ATP13A4: variants seen among roughly 807,000 people sequenced by gnomAD.
ATP13A4 encodes the protein probable cation-transporting ATPase 13A4.
ATP13A4 carries 114 observed loss-of-function variants against 142.5 expected under a neutral mutation model. That is an observed-to-expected ratio of 0.80 (90% CI 0.69 to 0.93). ATP13A4 has a LOEUF of 0.93. ATP13A4 is among the 40% of genes least tolerant of loss of function. ATP13A4 has a pLI of 0.00. For synonymous variants in ATP13A4, 488 were observed against 514.8 expected (o/e 0.95, Z 0.70); for missense variants, 1,392 against 1,454.0 (o/e 0.96, Z 0.69).
chr3:193,453,978 G>T, intron 17 of ATP13A4, 123 bp downstream of exon 17: 1 of 788,526 alleles, frequency 1.3e-6, no homozygotes, highest in Non-Finnish European at 2.2e-6. Context: ...AATTCAGCAA[G>T]CTACATTGCT....
intron 14 of ATP13A4, among the ~76,000 whole-genome samples, chr3:193,458,012 C>G (rs1717736324): frequency 6.6e-6 from 1 of 152,226 alleles, no homozygotes; most frequent in Admixed American, 6.5e-5. Context: ...TTGTAATCAT[C>G]TCACTGAGTG....
chr3:193,450,129 A>G (rs148404169), intron 17 of ATP13A4, among the ~76,000 whole-genome samples: 244 of 151,524 alleles, frequency 1.6e-3, no homozygotes, highest in African/African-American at 5.6e-3. Flanking sequence ...AAAAAAAAAG[A>G]AAAGAAAAAG....
At chr3:193,457,595 A>C in intron 14 of ATP13A4, 130 bp from the exon 15 acceptor site, 2 of 824,376 alleles carry the variant, frequency 2.4e-6, no homozygotes, top group Admixed American at 4.0e-5. Context: ...CTTCCCTCAG[A>C]GGTGAACCAG....
chr3:193,473,542 A>G (rs1279552899), intron 8 of ATP13A4, among the ~76,000 whole-genome samples: 1 of 152,232 alleles, frequency 6.6e-6, no homozygotes, highest in Non-Finnish European at 1.5e-5. Flanking sequence ...ATCTCAAAGT[A>G]TCTCTCAACA....
chr3:193,450,299 G>A (rs1384974540), intron 17 of ATP13A4, among the ~76,000 whole-genome samples: 1 of 152,074 alleles, frequency 6.6e-6, no homozygotes, highest in Admixed American at 6.6e-5. Context: ...CCACTCATGC[G>A]GTGCCCAACA....
At chr3:193,570,246 GA>G (rs1186624922) in intron 2 of ATP13A4, among the ~76,000 whole-genome samples, 3 of 152,172 alleles carry the variant, frequency 2.0e-5, no homozygotes, top group Non-Finnish European at 2.9e-5. Flanking sequence ...CCAGGAGGTC[GA>G]GGCTGCAGTG....
intron 9 of ATP13A4, among the ~76,000 whole-genome samples, chr3:193,467,992 G>A (rs902323161): frequency 9.2e-5 from 14 of 152,092 alleles, no homozygotes; most frequent in Non-Finnish European, 1.3e-4. Context: ...CAGCCTGACC[G>A]ACATGGAGAA....
At chr3:193,463,201 T>C (rs1718060716) in intron 12 of ATP13A4, among the ~76,000 whole-genome samples, 1 of 152,032 alleles carries the variant, frequency 6.6e-6, no homozygotes, top group East Asian at 1.9e-4. Context: ...AACTTTAGTG[T>C]CCTCCATAAC....
At chr3:193,477,427 A>C (rs774426974) in intron 8 of ATP13A4, among the ~76,000 whole-genome samples, 1 of 152,102 alleles carries the variant, frequency 6.6e-6, no homozygotes, top group Non-Finnish European at 1.5e-5. Context: ...CTACAGTTGT[A>C]TATGTTCAAA....
At chr3:193,554,474 CCT>C in intron 1 of ATP13A4, 1 of 533,422 alleles carries the variant, frequency 1.9e-6, no homozygotes, top group South Asian at 2.0e-5. Context: ...TGCTTCTCTC[CCT>C]CTCTGTTTTC....
intron 1 of ATP13A4, among the ~76,000 whole-genome samples, chr3:193,586,311 T>C (rs1724669678): frequency 6.6e-6 from 1 of 152,194 alleles, no homozygotes. Context: ...TTGGTGTTAT[T>C]TGGTGAGCAG....
chr3:193,538,852 C>A (rs375542252), intron 1 of ATP13A4, among the ~76,000 whole-genome samples: 3 of 150,044 alleles, frequency 2.0e-5, no homozygotes, highest in East Asian at 3.9e-4. Context: ...AATATGCAGA[C>A]AAATGGAGGT....
chr3:193,430,650 G>C (rs1036942275), intron 25 of ATP13A4, among the ~76,000 whole-genome samples: 4 of 152,032 alleles, frequency 2.6e-5, no homozygotes, highest in Admixed American at 2.6e-4. Flanking sequence ...TAGGCAAAAG[G>C]AATAGCCAAT....
chr3:193,454,617 A>C (rs1205017418), intron 16 of ATP13A4, among the ~76,000 whole-genome samples: 1 of 152,212 alleles, frequency 6.6e-6, no homozygotes, highest in Non-Finnish European at 1.5e-5. Flanking sequence ...AAGCATGGGG[A>C]AAGGCTTTCC....
intron 16 of ATP13A4, 88 bp from the exon 17 acceptor site, chr3:193,454,300 C>T: frequency 1.1e-6 from 1 of 937,578 alleles, no homozygotes; most frequent in Non-Finnish European, 1.7e-6. Flanking sequence ...CCAACTTTTG[C>T]CCAAGAAAAC....
intron 23 of ATP13A4, among the ~76,000 whole-genome samples, chr3:193,436,261 C>T (rs1444386393): frequency 2.6e-5 from 4 of 152,176 alleles, no homozygotes; most frequent in African/African-American, 9.7e-5. Flanking sequence ...AAACAATACA[C>T]ACTCAAATTA....
At chr3:193,462,436 T>C (rs1215456219) in intron 13 of ATP13A4, among the ~76,000 whole-genome samples, 2 of 152,130 alleles carry the variant, frequency 1.3e-5, no homozygotes, top group East Asian at 1.9e-4. Flanking sequence ...TAAAGGACAG[T>C]GTCCTGGTAA....
chr3:193,582,969 TATATATATGTATATTACATATATATAAA>T (rs1560291195), intron 1 of ATP13A4, among the ~76,000 whole-genome samples: 2 of 35,802 alleles, frequency 5.6e-5, no homozygotes, highest in Non-Finnish European at 1.1e-4. Flanking sequence ...ATATATAAAA[TATATATATGTATATTACATATATATAAA>T]ATATATATAT....
chr3:193,522,992 T>C (rs1721805691), intron 1 of ATP13A4, among the ~76,000 whole-genome samples: 1 of 152,230 alleles, frequency 6.6e-6, no homozygotes, highest in Admixed American at 6.5e-5. Context: ...AACAGGAGTG[T>C]ATTTTGTTAT....
Sources: allele counts gnomAD v4.1 joint callset (sites outside exome capture counted in the v4.1 genomes callset), GRCh38; gene constraint gnomAD v4.1.1; transcripts MANE v1.5; gene names NCBI Gene and HGNC (gene_info 2026-07-23, HGNC 2026-07-21).